P2RX5: variants seen among roughly 807,000 people sequenced by gnomAD.
The protein encoded by P2RX5 is P2X purinoceptor 5.
In P2RX5, 46 loss-of-function variants were observed where a neutral mutation model predicts 54.1. The ratio of observed to expected loss-of-function variants is 0.85; its 90% CI spans 0.67 to 1.09. The LOEUF is 1.09. Among genes scored for constraint, P2RX5 ranks in the 50% least tolerant of loss-of-function variants. The pLI, the probability that P2RX5 is intolerant of heterozygous loss-of-function variation, is 0.00. For missense variants in P2RX5, 566 were observed against 549.8 expected, an observed-to-expected ratio of 1.03 and a Z score of -0.29; for synonymous variants, 226 against 226.4, an observed-to-expected ratio of 1.00 and a Z score of 0.02.
At chr17:3,684,850 T>C (rs2142998792) in intron 9 of P2RX5, among the ~76,000 whole-genome samples, 1 of 145,380 alleles carries the variant, frequency 6.9e-6, no homozygotes, top group South Asian at 2.3e-4. Flanking sequence ...TTTTTTTTTT[T>C]TTTTTTTTTT....
At chr17:3,722,172 G>GAAAGA in the P2RX5 span, among the ~76,000 whole-genome samples, 15 of 145,904 alleles carry the variant, frequency 1.0e-4, no homozygotes, top group South Asian at 2.2e-4. Flanking sequence ...CGTCTTGAAA[G>GAAAGA]AAAGAAAAGA....
the P2RX5 span, among the ~76,000 whole-genome samples, chr17:3,721,983 C>T: frequency 6.6e-6 from 1 of 151,400 alleles, no homozygotes; most frequent in African/African-American, 2.4e-5. Context: ...AGTTCAAGAC[C>T]AGCCTCACCA....
upstream of P2RX5, among the ~76,000 whole-genome samples, chr17:3,699,823 A>AG (rs1491184873): frequency 2.8e-3 from 359 of 127,492 alleles, 9 homozygotes; most frequent in Middle Eastern, 0.058. Context: ...AGAAAGAGAG[A>AG]AAGAGAGAGA....
the P2RX5 span, among the ~76,000 whole-genome samples, chr17:3,720,865 G>A: frequency 1.3e-5 from 2 of 152,120 alleles, no homozygotes; most frequent in Admixed American, 6.6e-5. Context: ...TTACAGGCGT[G>A]AGCTGCCGCG....
chr17:3,685,712 T>TC (rs1192393398), intron 9 of P2RX5: 1 of 21,064 alleles, frequency 4.7e-5, no homozygotes, highest in East Asian at 5.9e-3. Context: ...CCTCCCAACG[T>TC]CCCCCTCCCA....
chr17:3,688,070 T>C lies in P2RX5; in HGVS notation c.923A>G (p.Glu308Gly). ...ARYYRDAAGVEFRTLMKAYGI... is the reference protein window; with the variant it reads ...ARYYRDAAGVGFRTLMKAYGI... Reference sequence around the variant, plus strand: ...GTAGGCTTTCATCAGGGTGCGGAACTCCACCCCGGCTGCGTCTCGGTAATA... The same window carrying C: ...GTAGGCTTTCATCAGGGTGCGGAACCCCACCCCGGCTGCGTCTCGGTAATA... The change falls in exon 9 of 12, where the codon GAG (glutamate) becomes GGG (glycine). Residue 308 changes from glutamate (E) to glycine (G), a missense_variant. Transcript: ENST00000225328. 1 of 1,599,422 alleles carries C rather than the reference T, an allele frequency of 6.3e-7. No individual in the cohort carries two copies. Among genetic ancestry groups the C allele is most frequent in the Non-Finnish European group, 8.5e-7 (1 of 1,172,596 alleles).
chr17:3,695,892 G>A lies in P2RX5; in HGVS notation c.114C>T (p.Ala38=), dbSNP rs747424262. Residue 38 remains alanine, a synonymous_variant, in exon 1 of 12, where the codon GCC becomes GCT. Coordinates refer to ENST00000225328, the MANE Select transcript of P2RX5 (RefSeq NM_002561.4). ...KVGLLYRLLQ[A]SILAYLVVWV... ...ACACGACCAGGTACGCCAGGATGGAGGCCTGCAGCAGCCGGTACAGCAGGC... is the reference window on the plus strand; with the variant it reads ...ACACGACCAGGTACGCCAGGATGGAAGCCTGCAGCAGCCGGTACAGCAGGC... 3 of 1,613,954 alleles carry A rather than the reference G, an allele frequency of 1.9e-6. No homozygotes were observed. The highest frequency in any genetic ancestry group is 2.7e-5 in the African/African-American group (2 of 74,940).
chr17:3,682,190 C>CATGGACCAGCTCTGTG, intron 9 of P2RX5: 2 of 602,286 alleles, frequency 3.3e-6, no homozygotes, highest in Non-Finnish European at 6.0e-6. Context: ...GGAGCTCCCC[C>CATGGACCAGCTCTGTG]GATCCCACAG....
rs2050025557 is a variant in P2RX5 at position 3,673,322 on chromosome 17, C to A, written c.*546G>T. The stretch of plus-strand genomic sequence containing the variant: ...CCCAGAAAGCGTCTGCCATCTCCCC[C>A]ACTTTAATTCTGTGTACTGGCCTAA... On this transcript the variant is annotated 3_prime_UTR_variant, in exon 12 of 12. Coordinates refer to ENST00000225328, the MANE Select transcript of P2RX5 (RefSeq NM_002561.4). The A allele has an allele frequency of 2.0e-6, 2 of 992,886 alleles. No homozygotes were observed. Among genetic ancestry groups the A allele is most frequent in the South Asian group, 4.5e-5 (1 of 22,286 alleles). 61.5% of individuals were successfully genotyped at this position (992,886 alleles called of 1,614,324 possible). A position where few individuals can be genotyped will look rare whatever the true frequency, so the allele number is the denominator to read the frequency against.
chr17:3,678,857 G>A (rs568995795), intron 11 of P2RX5, among the ~76,000 whole-genome samples: 5 of 152,340 alleles, frequency 3.3e-5, no homozygotes, highest in East Asian at 1.9e-4. Context: ...CCTGCTCACC[G>A]CACAGGTACT....
intron 11 of P2RX5, chr17:3,675,279 A>G: frequency 1.2e-6 from 1 of 819,850 alleles, no homozygotes; most frequent in Non-Finnish European, 1.5e-6. Flanking sequence ...AACTCAGGCA[A>G]TCTGCCCGCC....
the P2RX5 span, chr17:3,720,420 G>C: frequency 1.8e-6 from 2 of 1,114,680 alleles, no homozygotes; most frequent in South Asian, 1.2e-5. Flanking sequence ...ATGGGGAAAG[G>C]AATGAGGGAA....
At chr17:3,680,385 ATCCTCCACCCTGCATCCTCCACCCAGCG>A in intron 10 of P2RX5, among the ~76,000 whole-genome samples, 1 of 53,260 alleles carries the variant, frequency 1.9e-5, no homozygotes, top group Admixed American at 2.0e-4. Context: ...TCCACCCTGC[ATCCTCCACCCTGCATCCTCCACCCAGCG>A]TCCTCCACCC....
the P2RX5 span, chr17:3,717,102 G>A: frequency 1.0e-5 from 3 of 290,468 alleles, no homozygotes; most frequent in Admixed American, 4.9e-5. Flanking sequence ...AGGGTCCCAC[G>A]GAATCCGGTC....
chr17:3,690,926 C>T (rs779073412), intron 3 of P2RX5, 30 bp downstream of exon 3: 1 of 1,596,306 alleles, frequency 6.3e-7, no homozygotes, highest in Non-Finnish European at 8.6e-7. Flanking sequence ...CTCTCCCACC[C>T]CCACGCCAGG....
the P2RX5 span, among the ~76,000 whole-genome samples, chr17:3,710,149 G>A: frequency 1.3e-5 from 2 of 151,716 alleles, no homozygotes; most frequent in Admixed American, 1.3e-4. Flanking sequence ...GCAGGAGGCC[G>A]GGCGTGGCGG....
the P2RX5 span, among the ~76,000 whole-genome samples, chr17:3,719,513 C>T: frequency 6.6e-6 from 1 of 152,230 alleles, no homozygotes; most frequent in Non-Finnish European, 1.5e-5. Context: ...GGGTAACACA[C>T]AAAGCATTCA....
At chr17:3,678,153 G>A in intron 11 of P2RX5, 3 of 973,302 alleles carry the variant, frequency 3.1e-6, no homozygotes, top group Non-Finnish European at 3.7e-6. Context: ...GTGGGCGGGA[G>A]GGGGCGCACA....
intron 11 of P2RX5, among the ~76,000 whole-genome samples, chr17:3,674,801 T>C (rs2050064534): frequency 6.6e-6 from 1 of 152,176 alleles, no homozygotes. Context: ...ATAGGTCACT[T>C]CCTTGGGGAA....
Sources: allele counts gnomAD v4.1 joint callset (sites outside exome capture counted in the v4.1 genomes callset), GRCh38; gene constraint gnomAD v4.1.1; transcripts MANE v1.5; gene names NCBI Gene and HGNC (gene_info 2026-07-23, HGNC 2026-07-21).